Variants in SESN2 observed in about 807,000 individuals in gnomAD.
SESN2 encodes the protein sestrin 2.
A neutral mutation model predicts 56.0 loss-of-function variants in SESN2; 42 were observed. The ratio of observed to expected loss-of-function variants is 0.75; its 90% CI spans 0.59 to 0.97. The LOEUF (loss-of-function observed/expected upper bound fraction) is 0.97, where lower values mean the gene tolerates loss of function less well. Among genes scored for constraint, SESN2 ranks in the 50% least tolerant of loss-of-function variants. The pLI, the probability that SESN2 is intolerant of heterozygous loss-of-function variation, is 0.00. For missense variants in SESN2, 507 were observed against 649.4 expected, an observed-to-expected ratio of 0.78 and a Z score of 2.38; for synonymous variants, 264 against 267.1, an observed-to-expected ratio of 0.99 and a Z score of 0.11.
In SESN2 at chr1:28,272,743, C is replaced by G. The variant is rs548547791; in HGVS notation, c.700C>G (p.Pro234Ala). Residue 234 changes from proline to alanine, a missense_variant, in exon 5 of 10, where the codon CCT (proline) becomes GCT (alanine). Pro to Ala is a conservative substitution (Grantham distance 27). Transcript: ENST00000253063. Reference sequence around the variant, plus strand: ...CCCTGCCCCCCAGGCACCTACACCCCCTAGTGAACAGAGCAGCCCCCCAAG... The same window carrying G: ...CCCTGCCCCCCAGGCACCTACACCCGCTAGTGAACAGAGCAGCCCCCCAAG... Reference protein sequence around the residue: ...GSPAPQAPTPPSEQSSPPSRD... With the variant: ...GSPAPQAPTPASEQSSPPSRD... 21 of 1,612,346 alleles carry G rather than the reference C, an allele frequency of 1.3e-5. No individual in the cohort carries two copies. The East Asian group carries it at 2.2e-4, about 17-fold the overall frequency.
intron 8 of SESN2, among the ~76,000 whole-genome samples, chr1:28,276,315 A>T (rs1413582254): frequency 6.6e-6 from 1 of 151,926 alleles, no homozygotes; most frequent in Non-Finnish European, 1.5e-5. Context: ...ACCCATCTCT[A>T]CAAAAAAATA....
intron 8 of SESN2, among the ~76,000 whole-genome samples, chr1:28,278,289 C>T (rs572787403): frequency 3.0e-4 from 45 of 152,344 alleles, no homozygotes; most frequent in African/African-American, 1.0e-3. Flanking sequence ...CCATTCCTGT[C>T]CAGGCGTGGT....
At chr1:28,272,252 G>T in intron 3 of SESN2, 32 bp from the exon 4 acceptor site, 1 of 1,606,802 alleles carries the variant, frequency 6.2e-7, no homozygotes, top group Non-Finnish European at 8.5e-7. Flanking sequence ...AAAGGAGGAG[G>T]GTGACTCAGG....
At position 28,274,423 on chromosome 1, in the gene SESN2, T is replaced by C. The variant is rs10157780; in HGVS notation, c.1020+265T>C. ...GGCGCATGCCTGTAGTCCCAGCTAC[T>C]TGAATGGCTGAGGTGGGAGGATCAC... On this transcript the variant is annotated intron_variant, in intron 7 of 9. Coordinates refer to ENST00000253063, the MANE Select transcript of SESN2 (RefSeq NM_031459.5). 7.1e-3 allele frequency among the ~76,000 whole-genome samples: 1,079 copies of C among 152,288 alleles called. 10 individuals carry two copies. The highest frequency in any genetic ancestry group is 0.025 in the African/African-American group (1,024 of 41,544).
Position 28,282,458 on chromosome 1 carries a change from G to A in SESN2, c.*1656G>A, listed in dbSNP as rs1463124863. ...GGCTTTGCTACCAGTTCCATATGAT[G>A]AGAAATAAACGTTCGCTGAGGTTTT... On this transcript the variant is annotated 3_prime_UTR_variant, in exon 10 of 10. Coordinates refer to ENST00000253063, the MANE Select transcript of SESN2 (RefSeq NM_031459.5). 2 of 152,232 alleles carry A rather than the reference G, an allele frequency of 1.3e-5. No individual in the cohort carries two copies. The highest frequency in any genetic ancestry group is 2.4e-5 in the African/African-American group (1 of 41,444). The allele number at this position is 152,232 out of a possible 1,614,324, so 9.4% of individuals were successfully genotyped here.
Position 28,280,889 on chromosome 1 carries a change from C to A in SESN2, c.*87C>A. On this transcript the variant is annotated 3_prime_UTR_variant, in exon 10 of 10. Transcript: ENST00000253063. ...CCCCAGACCCTTTTGTGTCCCATGC[C>A]CACCCTCCCCACGCTGCAGTGGGCT... 1.0e-6 allele frequency: 1 copy of A among 958,322 alleles called. No homozygotes were observed. The highest frequency in any genetic ancestry group is 1.7e-6 in the Non-Finnish European group (1 of 601,612). 59.4% of individuals were successfully genotyped at this position (958,322 alleles called of 1,614,324 possible).
In SESN2 at chr1:28,259,567, G is replaced by A; in HGVS notation, c.-281G>A. ...CTGAGGAGCGCTGGGTCCGGGAGCAGCCCTGGCCCCTGCGGACTTCCGAGG... is the reference window on the plus strand; with the variant it reads ...CTGAGGAGCGCTGGGTCCGGGAGCAACCCTGGCCCCTGCGGACTTCCGAGG... On this transcript the variant is annotated 5_prime_UTR_variant, in exon 1 of 10. Coordinates refer to ENST00000253063, the MANE Select transcript of SESN2 (RefSeq NM_031459.5). The A allele has an allele frequency of 1.6e-5, 6 of 366,926 alleles. No individual in the cohort carries two copies. The highest frequency in any genetic ancestry group is 2.9e-5 in the Non-Finnish European group (6 of 203,762). 22.7% of individuals were successfully genotyped at this position (366,926 alleles called of 1,614,324 possible).
At chr1:28,265,544 C>G (rs1256899145) in intron 1 of SESN2, among the ~76,000 whole-genome samples, 1 of 152,132 alleles carries the variant, frequency 6.6e-6, no homozygotes, top group Non-Finnish European at 1.5e-5. Context: ...CAGGCATGCA[C>G]CACCATGCCT....
chr1:28,280,276 A>G lies in SESN2; in HGVS notation c.1357-440A>G, dbSNP rs570607752. On this transcript the variant is annotated intron_variant, in intron 9 of 9. Coordinates refer to ENST00000253063, the MANE Select transcript of SESN2 (RefSeq NM_031459.5). Reference sequence around the variant, plus strand: ...GAAGATAAAATAAAAAAATGTACATAAACCTCTGCAACCTCTGTCTCCCGG... The same window carrying G: ...GAAGATAAAATAAAAAAATGTACATGAACCTCTGCAACCTCTGTCTCCCGG... Among the ~76,000 whole-genome samples, 13 of 152,226 alleles carry G rather than the reference A, an allele frequency of 8.5e-5. No homozygotes were observed. The East Asian group carries it at 2.5e-3, about 29-fold the overall frequency.
At chr1:28,278,681 G>A (rs1648131429) in intron 8 of SESN2, among the ~76,000 whole-genome samples, 1 of 152,196 alleles carries the variant, frequency 6.6e-6, no homozygotes, top group South Asian at 2.1e-4. Flanking sequence ...TGTTGATCAT[G>A]AAAAAACAAA....
intron 1 of SESN2, among the ~76,000 whole-genome samples, chr1:28,267,297 C>T (rs1248816729): frequency 6.6e-6 from 1 of 152,162 alleles, no homozygotes; most frequent in Non-Finnish European, 1.5e-5. Context: ...CAGCTCAACT[C>T]CCTTTTTGAA....
At chr1:28,273,620 C>T (rs1013247542) in intron 6 of SESN2, 112 bp downstream of exon 6, 1 of 1,088,910 alleles carries the variant, frequency 9.2e-7, no homozygotes, top group African/African-American at 1.6e-5. Flanking sequence ...ACCTCCCGTC[C>T]AAGAGGTTCT....
intron 7 of SESN2, among the ~76,000 whole-genome samples, chr1:28,274,580 G>T (rs1217572501): frequency 1.3e-5 from 2 of 152,196 alleles, no homozygotes; most frequent in Non-Finnish European, 2.9e-5. Flanking sequence ...ATTCCACGAG[G>T]GCAGTGGGGT....
Position 28,273,962 on chromosome 1 carries a change from C to A in SESN2, c.902-78C>A, listed in dbSNP as rs148061169. 97 of 960,924 alleles carry A rather than the reference C, an allele frequency of 1.0e-4. No homozygotes were observed. The African/African-American group carries it at 1.2e-3, about 12-fold the overall frequency. The allele number at this position is 960,924 out of a possible 1,614,324, so 59.5% of individuals were successfully genotyped here. The stretch of plus-strand genomic sequence containing the variant: ...GCCCTCTATTCTGCCTTCCCCTCCC[C>A]CTTTTGGTGATTAATCAGGAATGGA... On this transcript the variant is annotated intron_variant, in intron 6 of 9. Transcript: ENST00000253063.
At chr1:28,267,284 G>A (rs6672285) in intron 1 of SESN2, among the ~76,000 whole-genome samples, 3,997 of 152,210 alleles carry the variant, frequency 0.026, 165 homozygotes, top group African/African-American at 0.09. Flanking sequence ...GGGCCTGCAC[G>A]GTCAGCTCAA....
intron 8 of SESN2, among the ~76,000 whole-genome samples, chr1:28,276,089 G>A (rs931874511): frequency 2.0e-5 from 3 of 152,160 alleles, no homozygotes; most frequent in Non-Finnish European, 4.4e-5. Context: ...AGAGGTTGCA[G>A]TGAGCTGAGA....
At position 28,281,126 on chromosome 1, in the gene SESN2, A is replaced by G. The variant is rs1176733916; in HGVS notation, c.*324A>G. 3.9e-6 allele frequency: 1 copy of G among 253,418 alleles called. No homozygotes were observed. The highest frequency in any genetic ancestry group is 2.2e-5 in the African/African-American group (1 of 44,974). The allele number at this position is 253,418 out of a possible 1,614,324, so 15.7% of individuals were successfully genotyped here. On this transcript the variant is annotated 3_prime_UTR_variant, in exon 10 of 10. Transcript: ENST00000253063. The stretch of plus-strand genomic sequence containing the variant: ...GCCAAGCTCGGAATTAATGTGCCAC[A>G]AGTGTTGTGGCCTTCCTGAACTGGG...
intron 2 of SESN2, among the ~76,000 whole-genome samples, chr1:28,270,569 T>A (rs933445329): frequency 6.6e-6 from 1 of 152,040 alleles, no homozygotes; most frequent in African/African-American, 2.4e-5. Flanking sequence ...CATTTATAAG[T>A]GACCACCTTT....
intron 2 of SESN2, among the ~76,000 whole-genome samples, chr1:28,269,554 A>G (rs1212665793): frequency 2.0e-5 from 3 of 151,826 alleles, no homozygotes; most frequent in Admixed American, 2.0e-4. Context: ...AGATAGAACT[A>G]TCTATCTCAT....
Sources: allele counts gnomAD v4.1 joint callset (sites outside exome capture counted in the v4.1 genomes callset), GRCh38; gene constraint gnomAD v4.1.1; transcripts MANE v1.5; gene names NCBI Gene and HGNC (gene_info 2026-07-23, HGNC 2026-07-21).